The following B3GNT4 variants were observed in gnomAD, a reference collection of about 807,000 sequenced individuals.
B3GNT4 encodes the protein UDP-GlcNAc:betaGal beta-1,3-N-acetylglucosaminyltransferase 4.
A neutral mutation model predicts 2.7 loss-of-function variants in B3GNT4; 2 were observed. The observed-to-expected ratio is 0.73, with a 90% CI of 0.30 to 2.31. B3GNT4 has a LOEUF of 2.31. B3GNT4 is among the 30% of genes most tolerant of loss of function. B3GNT4 has a pLI of 0.12. For synonymous variants in B3GNT4, 280 were observed against 203.4 expected, an observed-to-expected ratio of 1.38 and a Z score of -3.20; for missense variants, 708 against 490.9, an observed-to-expected ratio of 1.44 and a Z score of -4.18.
chr12:122,206,847 A>AC lies in B3GNT4; in HGVS notation c.598dup (p.Leu200ProfsTer20), dbSNP rs1953928245. 6.2e-7 allele frequency: 1 copy of AC among 1,613,694 alleles called. No homozygotes were observed. The highest frequency in any genetic ancestry group is 8.5e-7 in the Non-Finnish European group (1 of 1,179,944). ...TTCAACCTGACGCTCAAGGAGCTGCACCTGCAGCGCTGGGTGGTGGCTGCC... is the reference window on the plus strand; with the variant it reads ...TTCAACCTGACGCTCAAGGAGCTGCACCCTGCAGCGCTGGGTGGTGGCTGCC... On this transcript the variant is annotated frameshift_variant, in exon 3 of 3. Transcript: ENST00000324189. LOFTEE classifies it low-confidence loss of function (END_TRUNC).
At position 122,206,382 on chromosome 12, in the gene B3GNT4, GCTGC is replaced by G. The variant is rs752389110; in HGVS notation, c.136_139del (p.Leu46SerfsTer3). The G allele has an allele frequency of 6.2e-7, 1 of 1,611,376 alleles. No homozygotes were observed. The highest frequency in any genetic ancestry group is 1.1e-5 in the South Asian group (1 of 90,824). ...TACAGCTTGGCTGTGCTGTTGCTCG[GCTGC>G]CTGCTCTTCCTGAGGAAGGCGGCCA... On this transcript the variant is annotated frameshift_variant, in exon 3 of 3. Transcript: ENST00000324189. LOFTEE classifies it low-confidence loss of function (END_TRUNC).
In B3GNT4 at chr12:122,204,698, A is replaced by C. The variant is rs747434133; in HGVS notation, c.66+14A>C. ...CTTTTACCAAAGGTCAGATTCTTTCACCGCCTCTGCCAGACCCCCTTGTCC... is the reference window on the plus strand; with the variant it reads ...CTTTTACCAAAGGTCAGATTCTTTCCCCGCCTCTGCCAGACCCCCTTGTCC... On this transcript the variant is annotated intron_variant, in intron 2 of 2. Transcript: ENST00000324189. The C allele has an allele frequency of 6.3e-7, 1 of 1,594,610 alleles. No homozygotes were observed.
At position 122,206,935 on chromosome 12, in the gene B3GNT4, G is replaced by A. The variant is rs199538224; in HGVS notation, c.684G>A (p.Val228=). 13 of 1,614,136 alleles carry A rather than the reference G, an allele frequency of 8.1e-6. No individual in the cohort carries two copies. The East Asian group carries it at 1.8e-4, about 22-fold the overall frequency. The stretch of plus-strand genomic sequence containing the variant: ...ATGTCTTTGTCCACGTCCCCAACGT[G>A]TTAGAGTTCCTGGATGGCTGGGACC... ...DDDVFVHVPN[V]LEFLDGWDPA... The change falls in exon 3 of 3, where the codon GTG becomes GTA. Residue 228 remains valine (V), a synonymous_variant. Transcript: ENST00000324189.
chr12:122,204,693 C>A lies in B3GNT4; in HGVS notation c.66+9C>A. The A allele has an allele frequency of 6.3e-7, 1 of 1,599,414 alleles. No homozygotes were observed. On this transcript the variant is annotated intron_variant, in intron 2 of 2. Transcript: ENST00000324189. ...GTGGCCTTTTACCAAAGGTCAGATTCTTTCACCGCCTCTGCCAGACCCCCT... is the reference window on the plus strand; with the variant it reads ...GTGGCCTTTTACCAAAGGTCAGATTATTTCACCGCCTCTGCCAGACCCCCT...
Position 122,207,430 on chromosome 12 carries a change from A to C in B3GNT4, c.*42A>C, listed in dbSNP as rs767373370. 9 of 1,488,056 alleles carry C rather than the reference A, an allele frequency of 6.0e-6. No individual in the cohort carries two copies. The African/African-American group carries it at 1.3e-4, about 21-fold the overall frequency. 92.2% of individuals were successfully genotyped at this position (1,488,056 alleles called of 1,614,324 possible). On this transcript the variant is annotated 3_prime_UTR_variant, in exon 3 of 3. Coordinates refer to ENST00000324189, the MANE Select transcript of B3GNT4 (RefSeq NM_030765.4). The stretch of plus-strand genomic sequence containing the variant: ...CAGCCTGAGAGTGGACTCAGTGTTG[A>C]TTCTCTATCGTGATGCGAAATTGAT...
At position 122,206,653 on chromosome 12, in the gene B3GNT4, TGCG is replaced by T. The variant is rs1436303572; in HGVS notation, c.405_407del (p.Ala136del). On this transcript the variant is annotated inframe_deletion, in exon 3 of 3. Coordinates refer to ENST00000324189, the MANE Select transcript of B3GNT4 (RefSeq NM_030765.4). ...CACAGCCTGGTCACGTGGAGCGACGTGCGGCTATCCGCAGCACGTGGGGCAGGG... is the reference window on the plus strand; with the variant it reads ...CACAGCCTGGTCACGTGGAGCGACGTGCTATCCGCAGCACGTGGGGCAGGG... The T allele has an allele frequency of 1.2e-6, 2 of 1,613,714 alleles. No individual in the cohort carries two copies. The highest frequency in any genetic ancestry group is 1.1e-5 in the South Asian group (1 of 91,088).
chr12:122,206,159 G>A, intron 2 of B3GNT4, 159 bp from the exon 3 acceptor site: 1 of 595,700 alleles, frequency 1.7e-6, no homozygotes, highest in Non-Finnish European at 2.8e-6. Flanking sequence ...CCCATCCTCA[G>A]GGGAGGGAGG....
In B3GNT4 at chr12:122,206,676, G is replaced by T; in HGVS notation, c.425G>T (p.Gly142Val). The change falls in exon 3 of 3, where the codon GGC becomes GTC. Residue 142 changes from glycine to valine, a missense_variant. Transcript: ENST00000324189. ...ERRAAIRSTW[G>V]RVGGWARGRQ... ...CGTGCGGCTATCCGCAGCACGTGGG[G>T]CAGGGTGGGGGGATGGGCTAGGGGC... 1.9e-6 allele frequency: 3 copies of T among 1,613,102 alleles called. No homozygotes were observed. Among genetic ancestry groups the T allele is most frequent in the East Asian group, 2.2e-5 (1 of 44,870 alleles).
In B3GNT4 at chr12:122,208,258, T is replaced by G; in HGVS notation, c.*870T>G. ...CAGCTCACAAAGGCGTCTCGCCTGA[T>G]TGGCCAGGGCAGGATCTGCCGCCTC... is the stretch of plus-strand genomic sequence containing the variant. On this transcript the variant is annotated 3_prime_UTR_variant, in exon 3 of 3. Coordinates refer to ENST00000324189, the MANE Select transcript of B3GNT4 (RefSeq NM_030765.4). 8.5e-7 allele frequency: 1 copy of G among 1,172,504 alleles called. No homozygotes were observed. Among genetic ancestry groups the G allele is most frequent in the Non-Finnish European group, 1.2e-6 (1 of 804,584 alleles). 72.6% of individuals were successfully genotyped at this position (1,172,504 alleles called of 1,614,324 possible). A position where few individuals can be genotyped will look rare whatever the true frequency, so the allele number is the denominator to read the frequency against.
Position 122,208,766 on chromosome 12 carries a change from CTG to C in B3GNT4, c.*1380_*1381del. On this transcript the variant is annotated 3_prime_UTR_variant, in exon 3 of 3. Transcript: ENST00000324189. ...TTCAGGTCTGGATTTAACTGACACT[CTG>C]TCAAAAACAGCATTTTTCTTCAGCT... 1.4e-6 allele frequency: 1 copy of C among 698,722 alleles called. No homozygotes were observed. The highest frequency in any genetic ancestry group is 2.6e-6 in the Non-Finnish European group (1 of 385,764). The allele number at this position is 698,722 out of a possible 1,614,324, so 43.3% of individuals were successfully genotyped here. A position where few individuals can be genotyped will look rare whatever the true frequency, so the allele number is the denominator to read the frequency against.
intron 2 of B3GNT4, 165 bp downstream of exon 2, chr12:122,204,849 A>T: frequency 1.6e-6 from 1 of 608,820 alleles, no homozygotes; most frequent in Middle Eastern, 4.4e-4. Flanking sequence ...AGACCAGCCC[A>T]GGCAACAAAA....
At position 122,206,200 on chromosome 12, in the gene B3GNT4, A is replaced by AATAAAAAGTCC. The variant is rs1953912036; in HGVS notation, c.67-116_67-106dup. 3.8e-6 allele frequency: 3 copies of AATAAAAAGTCC among 780,330 alleles called. No homozygotes were observed. The South Asian group carries it at 5.8e-5, about 15-fold the overall frequency. The allele number at this position is 780,330 out of a possible 1,614,324, so 48.3% of individuals were successfully genotyped here. A position where few individuals can be genotyped will look rare whatever the true frequency, so the allele number is the denominator to read the frequency against. On this transcript the variant is annotated intron_variant, in intron 2 of 2. Coordinates refer to ENST00000324189, the MANE Select transcript of B3GNT4 (RefSeq NM_030765.4). ...GGAAAGAGCCTGAGGATACGCTGAG[A>AATAAAAAGTCC]ATAAAAAGTCCAGAGGCCAGCAGGG... is the stretch of plus-strand genomic sequence containing the variant.
Position 122,206,803 on chromosome 12 carries a change from G to C in B3GNT4, c.552G>C (p.Trp184Cys), listed in dbSNP as rs1188845588. 1.2e-6 allele frequency: 2 copies of C among 1,610,874 alleles called. No homozygotes were observed. The highest frequency in any genetic ancestry group is 8.5e-7 in the Non-Finnish European group (1 of 1,178,392). ...GGGAGTTTGATGACATCCTCCAGTG[G>C]GACTTCACTGAGGACTTCTTCAACC... ...ESREFDDILQWDFTEDFFNLT... is the reference protein window; with the variant it reads ...ESREFDDILQCDFTEDFFNLT... Residue 184 changes from tryptophan to cysteine, a missense_variant, in exon 3 of 3, where the codon TGG becomes TGC. Coordinates refer to ENST00000324189, the MANE Select transcript of B3GNT4 (RefSeq NM_030765.4).
Position 122,207,999 on chromosome 12 carries a change from A to T in B3GNT4, c.*611A>T, listed in dbSNP as rs767450318. The stretch of plus-strand genomic sequence containing the variant: ...ATCCCAACAGAGGGAACAAGTACTA[A>T]ATCATTTTTGACGACGTAAATAAGA... On this transcript the variant is annotated 3_prime_UTR_variant, in exon 3 of 3. Transcript: ENST00000324189. 1 of 480,334 alleles carries T rather than the reference A, an allele frequency of 2.1e-6. No individual in the cohort carries two copies. Among genetic ancestry groups the T allele is most frequent in the South Asian group, 1.5e-5 (1 of 64,682 alleles). 29.8% of individuals were successfully genotyped at this position (480,334 alleles called of 1,614,324 possible). A position where few individuals can be genotyped will look rare whatever the true frequency, so the allele number is the denominator to read the frequency against.
In B3GNT4 at chr12:122,206,339, C is replaced by A. The variant is rs757516233; in HGVS notation, c.88C>A (p.Leu30Met). The A allele has an allele frequency of 1.2e-5, 19 of 1,584,718 alleles. No individual in the cohort carries two copies. The highest frequency in any genetic ancestry group is 1.9e-4 in the Middle Eastern group (1 of 5,300). ...GCAGGGACCGGCGATGCTCTGCAGGCTGTGCTGGCTGGTCTCGTACAGCTT... is the reference window on the plus strand; with the variant it reads ...GCAGGGACCGGCGATGCTCTGCAGGATGTGCTGGCTGGTCTCGTACAGCTT... ...LPKGPAMLCR[L>M]CWLVSYSLAV... Residue 30 changes from leucine to methionine, a missense_variant, in exon 3 of 3, where the codon CTG (leucine) becomes ATG (methionine). Leu to Met is a conservative substitution (Grantham distance 15, BLOSUM62 2). Coordinates refer to ENST00000324189, the MANE Select transcript of B3GNT4 (RefSeq NM_030765.4).
intron 1 of B3GNT4, among the ~76,000 whole-genome samples, chr12:122,204,019 T>C (rs1244648454): frequency 6.6e-6 from 1 of 151,734 alleles, no homozygotes; most frequent in Admixed American, 6.6e-5. Context: ...TTCTCCAGGC[T>C]GGGGACAGAG....
chr12:122,204,787 C>G, intron 2 of B3GNT4, 103 bp downstream of exon 2: 3 of 1,042,066 alleles, frequency 2.9e-6, no homozygotes, highest in Non-Finnish European at 2.8e-6. Flanking sequence ...CGCCTGTAGT[C>G]CCAACGCTTT....
At chr12:122,204,280 C>T (rs1197823341) in intron 1 of B3GNT4, among the ~76,000 whole-genome samples, 1 of 152,074 alleles carries the variant, frequency 6.6e-6, no homozygotes, top group East Asian at 1.9e-4. Flanking sequence ...AGGACCCGCG[C>T]CCCACCAGAC....
intron 1 of B3GNT4, 112 bp from the exon 2 acceptor site, chr12:122,204,410 C>T: frequency 1.9e-6 from 1 of 534,058 alleles, no homozygotes; most frequent in Non-Finnish European, 3.3e-6. Context: ...ACAGGGGCCA[C>T]CCGGGCCGCG....
Sources: allele counts gnomAD v4.1 joint callset (sites outside exome capture counted in the v4.1 genomes callset), GRCh38; gene constraint gnomAD v4.1.1; transcripts MANE v1.5; gene names NCBI Gene and HGNC (gene_info 2026-07-23, HGNC 2026-07-21).